The following AXL variants were observed in gnomAD, a reference collection of about 807,000 sequenced individuals.
AXL encodes AXL receptor tyrosine kinase, also known as tyrosine-protein kinase receptor UFO.
AXL carries 52 observed loss-of-function variants against 104.5 expected under a neutral mutation model. The observed-to-expected ratio is 0.50, with a 90% CI of 0.40 to 0.63. The LOEUF is 0.63. Ranked by LOEUF, AXL falls within the 20% of genes least tolerant of loss-of-function variation. The pLI is 0.00. For synonymous variants in AXL, 455 were observed against 473.7 expected, an observed-to-expected ratio of 0.96 and a Z score of 0.51; for missense variants, 1,024 against 1,188.5, an observed-to-expected ratio of 0.86 and a Z score of 2.04.
At chr19:41,238,686 G>A (rs936259824) in intron 8 of AXL, 77 bp downstream of exon 8, 163 of 1,501,244 alleles carry the variant, frequency 1.1e-4, no homozygotes, top group Middle Eastern at 5.3e-4. Context: ...GACATAGATG[G>A]TTGTGAAGGT....
In AXL at chr19:41,252,966, T is replaced by C. The variant is rs942195088; in HGVS notation, c.1925T>C (p.Val642Ala). 2 of 1,613,804 alleles carry C rather than the reference T, an allele frequency of 1.2e-6. No individual in the cohort carries two copies. The highest frequency in any genetic ancestry group is 2.7e-5 in the African/African-American group (2 of 74,846). Residue 642 changes from valine to alanine, a missense_variant and splice_region_variant, in exon 16 of 20, where the codon GTG becomes GCG. By Grantham distance (64) the Val-to-Ala change is moderately conservative (BLOSUM62 0). Around this residue, in one of 5 missense-constraint regions of AXL, gnomAD observed 523 missense variants for 636.0 expected, o/e 0.82. Transcript: ENST00000301178. ...LLYSRLGDQP[V>A]YLPTQMLVKF... ...TATTCCCGGCTCGGGGACCAGCCAG[T>C]GGTAAGGGGCGTTTAATCATTCAGT...
intron 1 of AXL, chr19:41,220,282 G>A: frequency 4.5e-6 from 1 of 222,658 alleles, no homozygotes; most frequent in Non-Finnish European, 8.9e-6. Context: ...CCCAACCCCT[G>A]ATTCTTCCCC....
chr19:41,256,481 C>T lies in AXL; in HGVS notation c.2066C>T (p.Ala689Val), dbSNP rs1420547997. 6 of 1,613,940 alleles carry T rather than the reference C, an allele frequency of 3.7e-6. No individual in the cohort carries two copies. The highest frequency in any genetic ancestry group is 5.1e-6 in the Non-Finnish European group (6 of 1,179,904). The change falls in exon 18 of 20, where the codon GCG becomes GTG. Residue 689 changes from alanine (A) to valine (V), a missense_variant. Ala to Val is a moderately conservative substitution (Grantham distance 64, BLOSUM62 0). Coordinates refer to ENST00000301178, the MANE Select transcript of AXL (RefSeq NM_021913.5). ...MLNENMSVCV[A>V]DFGLSKKIYN... Reference sequence around the variant, plus strand: ...AATGAGAACATGTCCGTGTGTGTGGCGGACTTCGGGCTCTCCAAGAAGATC... The same window carrying T: ...AATGAGAACATGTCCGTGTGTGTGGTGGACTTCGGGCTCTCCAAGAAGATC...
chr19:41,226,472 A>T (rs2033883600), intron 4 of AXL, among the ~76,000 whole-genome samples: 1 of 152,134 alleles, frequency 6.6e-6, no homozygotes, highest in African/African-American at 2.4e-5. Context: ...TTGTCTGGGA[A>T]CGGCCACCTA....
intron 3 of AXL, 144 bp from the exon 4 acceptor site, chr19:41,221,736 C>T: frequency 1.2e-6 from 1 of 829,036 alleles, no homozygotes; most frequent in Non-Finnish European, 1.8e-6. Flanking sequence ...GGGTATGGCT[C>T]AGGTGCCCTC....
chr19:41,242,834 G>T, intron 10 of AXL, 49 bp from the exon 11 acceptor site: 1 of 1,609,516 alleles, frequency 6.2e-7, no homozygotes. Flanking sequence ...GTCCCAGAGA[G>T]CTGGATCCAA....
rs369500522 is a variant in AXL at position 41,221,981 on chromosome 19, C to T, written c.511C>T (p.Leu171=). ...QAQGPPEPVD[L]LWLQDAVPLA... is the part of the protein sequence containing the mutation. ...TCAGGGACCCCCAGAGCCCGTGGAC[C>T]TACTCTGGCTCCAGGATGCTGTCCC... Residue 171 remains leucine, a synonymous_variant, in exon 4 of 20, where the codon CTA becomes TTA. Coordinates refer to ENST00000301178, the MANE Select transcript of AXL (RefSeq NM_021913.5). 1 of 1,611,126 alleles carries T rather than the reference C, an allele frequency of 6.2e-7. No homozygotes were observed.
chr19:41,245,700 C>T (rs1184162368), intron 12 of AXL, among the ~76,000 whole-genome samples: 3 of 129,994 alleles, frequency 2.3e-5, no homozygotes, highest in Non-Finnish European at 4.7e-5. Context: ...GGTGATAGAG[C>T]AAGACACCGT....
chr19:41,241,560 GAAAGAAAGAAAGAAAA>G (rs1568414155), intron 10 of AXL, among the ~76,000 whole-genome samples: 1 of 115,564 alleles, frequency 8.7e-6, no homozygotes, highest in Non-Finnish European at 1.8e-5. Flanking sequence ...AAAAAAAAAA[GAAAGAAAGAAAGAAAA>G]AAAGAAAGAA....
chr19:41,239,656 C>T, intron 9 of AXL, 38 bp from the exon 10 acceptor site: 1 of 1,614,020 alleles, frequency 6.2e-7, no homozygotes, highest in Non-Finnish European at 8.5e-7. Flanking sequence ...GTCTTGTCCT[C>T]TCTGAGCACA....
rs767807765 is a variant in AXL at position 41,238,117 on chromosome 19, C to G, written c.957C>G (p.Ser319=). The G allele has an allele frequency of 3.7e-6, 6 of 1,614,032 alleles. No individual in the cohort carries two copies. Among genetic ancestry groups the G allele is most frequent in the Non-Finnish European group, 8.5e-7 (1 of 1,180,030 alleles). Residue 319 remains serine (S), a synonymous_variant, in exon 7 of 20, where the codon TCC becomes TCG. Transcript: ENST00000301178. ...GCACCAGCAGCCAGGGCCCCTCATC[C>G]TGGACCCACTGGCTTCCTGTGGAGA... ...VACTSSQGPS[S]WTHWLPVETP...
intron 10 of AXL, among the ~76,000 whole-genome samples, chr19:41,242,283 A>G (rs1468663121): frequency 7.0e-6 from 1 of 143,444 alleles, no homozygotes; most frequent in Non-Finnish European, 1.5e-5. Flanking sequence ...TAAAAGTCTG[A>G]TGCTCTACCA....
At position 41,247,900 on chromosome 19, in the gene AXL, A is replaced by T. The variant is rs780053886; in HGVS notation, c.1538-614A>T. ...GCATCCAGCAAAAAGAAATATTTTT[A>T]TTTTATTTTATTTTATTTTATTTTA... On this transcript the variant is annotated intron_variant, in intron 12 of 19. Coordinates refer to ENST00000301178, the MANE Select transcript of AXL (RefSeq NM_021913.5). Among the ~76,000 whole-genome samples, 4 of 47,562 alleles carry T rather than the reference A, an allele frequency of 8.4e-5. No homozygotes were observed. The East Asian group carries it at 1.4e-3, about 17-fold the overall frequency. The allele number at this position is 47,562 out of a possible 152,430, so 31.2% of individuals were successfully genotyped here.
intron 8 of AXL, among the ~76,000 whole-genome samples, chr19:41,238,860 T>G (rs2034130880): frequency 6.6e-6 from 1 of 152,084 alleles, no homozygotes; most frequent in African/African-American, 2.4e-5. Flanking sequence ...ATAACGATTT[T>G]ACAGCAGATA....
In AXL at chr19:41,252,876, G is replaced by A. The variant is rs760590409; in HGVS notation, c.1835G>A (p.Ser612Asn). Residue 612 changes from serine (S) to asparagine (N), a missense_variant, in exon 16 of 20, where the codon AGC becomes AAC. By Grantham distance (46) the Ser-to-Asn change is conservative (BLOSUM62 1). Transcript: ENST00000301178. ...GVCFQGSERE[S>N]FPAPVVILPF... The stretch of plus-strand genomic sequence containing the variant: ...TGTTTCCAGGGTTCTGAACGAGAGA[G>A]CTTCCCAGCACCTGTGGTCATCTTA... 4 of 1,614,140 alleles carry A rather than the reference G, an allele frequency of 2.5e-6. No individual in the cohort carries two copies. In the South Asian group the frequency reaches 4.4e-5, roughly 18 times the overall value.
At chr19:41,248,933 A>G in intron 14 of AXL, 113 bp downstream of exon 14, 1 of 1,097,162 alleles carries the variant, frequency 9.1e-7, no homozygotes, top group Non-Finnish European at 1.3e-6. Flanking sequence ...CAGATAGGCA[A>G]TGGAGCCCCT....
Position 41,220,714 on chromosome 19 carries a change from G to A in AXL, c.164G>A (p.Arg55Gln), listed in dbSNP as rs750804190. 1.9e-5 allele frequency: 31 copies of A among 1,613,728 alleles called. No homozygotes were observed. The highest frequency in any genetic ancestry group is 8.3e-5 in the Admixed American group (5 of 59,986). Reference protein sequence around the residue: ...TGARGLTGTLRCQLQVQGEPP... With the variant: ...TGARGLTGTLQCQLQVQGEPP... ...GCCCGGGGACTCACGGGCACCCTTCGGTGTCAGCTCCAGGTTCAGGGAGAG... is the reference window on the plus strand; with the variant it reads ...GCCCGGGGACTCACGGGCACCCTTCAGTGTCAGCTCCAGGTTCAGGGAGAG... Residue 55 changes from arginine to glutamine, a missense_variant, in exon 2 of 20, where the codon CGG becomes CAG. Arg to Gln is a conservative substitution (Grantham distance 43). Transcript: ENST00000301178.
Position 41,232,629 on chromosome 19 carries a change from A to G in AXL, c.783+1331A>G, listed in dbSNP as rs1416092351. On this transcript the variant is annotated intron_variant, in intron 6 of 19. Coordinates refer to ENST00000301178, the MANE Select transcript of AXL (RefSeq NM_021913.5). ...CACGAGCGAACTTCCGTCTCAAGAA[A>G]AAAAAAAAAAGAAAGAAAGAAAGAA... Among the ~76,000 whole-genome samples the G allele has an allele frequency of 2.7e-4, 41 of 151,292 alleles. No individual in the cohort carries two copies. The South Asian group carries it at 5.6e-3, about 21-fold the overall frequency.
intron 12 of AXL, among the ~76,000 whole-genome samples, chr19:41,244,463 G>T (rs1336313651): frequency 2.6e-5 from 4 of 151,798 alleles, no homozygotes; most frequent in Non-Finnish European, 4.4e-5. Context: ...CCAAGGACAC[G>T]GGTTTCTTTT....
Sources: gnomAD v4.1 joint callset for allele counts (sites outside exome capture counted in the v4.1 genomes callset) on GRCh38, gnomAD v4.1.1 for gene constraint, gnomAD v4.1.1 regional missense constraint, MANE v1.5 for transcripts, NCBI Gene and HGNC (gene_info 2026-07-23, HGNC 2026-07-21) for gene names.